Variants in CCZ1 observed in about 807,000 individuals in gnomAD.
CCZ1 encodes the protein CCZ1 vacuolar protein trafficking and biogenesis associated.
CCZ1 carries 19 observed loss-of-function variants against 57.8 expected under a neutral mutation model. The observed-to-expected ratio is 0.33, with a 90% CI of 0.23 to 0.48. CCZ1 has a LOEUF of 0.48. Ranked by LOEUF, CCZ1 falls within the 20% of genes least tolerant of loss-of-function variation. CCZ1 has a pLI of 0.99. For missense variants in CCZ1, 200 were observed against 492.0 expected (o/e 0.41, Z 5.61); for synonymous variants, 81 against 167.0 (o/e 0.49, Z 3.97).
chr7:5,902,785 C>A (rs1182012209), intron 6 of CCZ1, 41 bp downstream of exon 6: 11 of 1,578,676 alleles, frequency 7.0e-6, no homozygotes, highest in Non-Finnish European at 9.4e-6. Flanking sequence ...AGTAAGCATT[C>A]AGCAGGTTTT....
Position 5,904,088 on chromosome 7 carries a change from A to ATTTTTTTTT in CCZ1, c.523-993_523-985dup, listed in dbSNP as rs746657675. Reference sequence around the variant, plus strand: ...TGAAGAGCATTAAGGCAGGGAGTTAATTTTTTTTTTTTTTTTTTTTTGAGA... The same window carrying ATTTTTTTTT: ...TGAAGAGCATTAAGGCAGGGAGTTAATTTTTTTTTTTTTTTTTTTTTTTTTTTTTTGAGA... On this transcript the variant is annotated intron_variant, in intron 6 of 14. Transcript: ENST00000325974. 5.9e-5 allele frequency among the ~76,000 whole-genome samples: 5 copies of ATTTTTTTTT among 84,496 alleles called. 1 individual carries two copies. Among genetic ancestry groups the ATTTTTTTTT allele is most frequent in the African/African-American group, 2.1e-4 (4 of 19,212 alleles). 55.4% of individuals were successfully genotyped at this position (84,496 alleles called of 152,430 possible). A position where few individuals can be genotyped will look rare whatever the true frequency, so the allele number is the denominator to read the frequency against.
At chr7:5,912,051 C>T (rs1779050755) in intron 9 of CCZ1, 129 bp downstream of exon 9, 3 of 1,572,902 alleles carry the variant, frequency 1.9e-6, no homozygotes, top group African/African-American at 1.4e-5. Flanking sequence ...CCTCCCCGGG[C>T]TCAAGTGACT....
intron 8 of CCZ1, 143 bp from the exon 9 acceptor site, chr7:5,911,718 G>A: frequency 7.5e-7 from 1 of 1,329,950 alleles, no homozygotes; most frequent in Non-Finnish European, 1.0e-6. Flanking sequence ...ACGCATTCCA[G>A]CCTGGGCAAC....
chr7:5,898,856 G>T lies in CCZ1; in HGVS notation c.57G>T (p.Gln19His), dbSNP rs1265315060. The T allele has an allele frequency of 2.1e-6, 1 of 470,780 alleles. No individual in the cohort carries two copies. The highest frequency in any genetic ancestry group is 3.5e-6 in the Non-Finnish European group (1 of 286,710). The allele number at this position is 470,780 out of a possible 1,614,324, so 29.2% of individuals were successfully genotyped here. Residue 19 changes from glutamine to histidine, a missense_variant, in exon 1 of 15, where the codon CAG becomes CAT. Physicochemically the swap from Gln to His is conservative, Grantham distance 24. Around this residue, in one of 5 missense-constraint regions of CCZ1, gnomAD observed 44 missense variants for 122.8 expected, o/e 0.36. Coordinates refer to ENST00000325974, the MANE Select transcript of CCZ1 (RefSeq NM_015622.6). ...GGCCCTGGGCGGCCCAGGAGAAGCA[G>T]TTCCCGCCGGCGCTGCTGAGTTTCT... ...GSGPWAAQEK[Q>H]FPPALLSFFI... is the part of the protein sequence containing the mutation.
chr7:5,918,437 TCA>T (rs1270222305), intron 10 of CCZ1: 1 of 230,128 alleles, frequency 4.3e-6, no homozygotes, highest in East Asian at 1.1e-4. Flanking sequence ...ATGGAAATCG[TCA>T]CAGAATAATG....
At chr7:5,920,633 G>A (rs1321906670) in intron 12 of CCZ1, among the ~76,000 whole-genome samples, 4 of 139,566 alleles carry the variant, frequency 2.9e-5, no homozygotes, top group Admixed American at 7.2e-5. Context: ...CACCATGCCC[G>A]GCTCCTTTTT....
At chr7:5,924,166 A>C (rs11491602) in intron 14 of CCZ1, among the ~76,000 whole-genome samples, 24,282 of 55,448 alleles carry the variant, frequency 0.44, 5,544 homozygotes, top group East Asian at 0.62. Flanking sequence ...TGGCAATGGC[A>C]GAAAGAAAAT....
chr7:5,905,371 G>A (rs557964727), intron 7 of CCZ1, 102 bp downstream of exon 7: 15,200 of 649,340 alleles, frequency 0.023, 758 homozygotes, highest in Middle Eastern at 0.061. Flanking sequence ...CTTGCAGCGG[G>A]GAGGATGGGT....
rs1779050201 is a variant in CCZ1 at position 5,912,020 on chromosome 7, C to T, written c.842+98C>T. On this transcript the variant is annotated intron_variant, in intron 9 of 14. Transcript: ENST00000325974. ...CCAGGCTGGAGAGCAGTGGCAAGAT[C>T]TCCGCTCACTGCAACCTCCGCCTCC... 3.2e-6 allele frequency: 5 copies of T among 1,576,992 alleles called. No homozygotes were observed. The African/African-American group carries it at 4.2e-5, about 13-fold the overall frequency.
intron 10 of CCZ1, among the ~76,000 whole-genome samples, chr7:5,914,832 C>G (rs10270655): frequency 1.4e-5 from 2 of 139,320 alleles, no homozygotes; most frequent in Admixed American, 1.4e-4. Flanking sequence ...GCTGAGCTTA[C>G]GCCACTGTGC....
At position 5,905,282 on chromosome 7, in the gene CCZ1, C is replaced by T. The variant is rs150061010; in HGVS notation, c.698+13C>T. 0.16 allele frequency: 225,838 copies of T among 1,395,366 alleles called. 21,154 individuals are homozygous for T. Among genetic ancestry groups the T allele is most frequent in the Admixed American group, 0.36 (16,683 of 45,850 alleles). The allele number at this position is 1,395,366 out of a possible 1,614,324, so 86.4% of individuals were successfully genotyped here. Reference sequence around the variant, plus strand: ...ATCAGCTCATCTGGTAGGTACACCCCGAGGCATGGTATTAAAAGAAGAAAT... The same window carrying T: ...ATCAGCTCATCTGGTAGGTACACCCTGAGGCATGGTATTAAAAGAAGAAAT... On this transcript the variant is annotated intron_variant, in intron 7 of 14. Transcript: ENST00000325974.
chr7:5,920,247 G>A (rs1215737561), intron 12 of CCZ1, among the ~76,000 whole-genome samples: 73 of 119,572 alleles, frequency 6.1e-4, no homozygotes, highest in Middle Eastern at 4.0e-3. Context: ...AGATTGTTAC[G>A]TTCACTTGGA....
intron 7 of CCZ1, among the ~76,000 whole-genome samples, chr7:5,905,499 A>T (rs1781789457): frequency 6.8e-6 from 1 of 146,306 alleles, no homozygotes; most frequent in Non-Finnish European, 1.5e-5. Flanking sequence ...ATGAAAGATG[A>T]AAGGCTGGGC....
intron 7 of CCZ1, among the ~76,000 whole-genome samples, chr7:5,908,673 C>T: frequency 6.8e-6 from 1 of 147,010 alleles, no homozygotes; most frequent in Non-Finnish European, 1.5e-5. Context: ...AGCTTCCGCG[C>T]CCGACCACCT....
At chr7:5,909,268 A>G (rs1781910747) in intron 7 of CCZ1, among the ~76,000 whole-genome samples, 1 of 149,776 alleles carries the variant, frequency 6.7e-6, no homozygotes, top group South Asian at 2.2e-4. Flanking sequence ...TGTTAAAGAG[A>G]AAAGCACCAG....
At chr7:5,905,902 C>CTTTTTTTTTT (rs148585423) in intron 7 of CCZ1, among the ~76,000 whole-genome samples, 1 of 93,018 alleles carries the variant, frequency 1.1e-5, no homozygotes, top group Non-Finnish European at 1.9e-5. Flanking sequence ...ATTTTTATAC[C>CTTTTTTTTTT]TTTTTTTTTT....
At chr7:5,912,699 C>T (rs894560212) in intron 9 of CCZ1, 144 bp from the exon 10 acceptor site, 3 of 928,304 alleles carry the variant, frequency 3.2e-6, no homozygotes, top group African/African-American at 1.6e-5. Context: ...CACGCCCAGC[C>T]AGCATATTCT....
intron 5 of CCZ1, chr7:5,902,010 G>A (rs1781695876): frequency 3.0e-6 from 1 of 336,244 alleles, no homozygotes; most frequent in African/African-American, 2.1e-5. Context: ...AAGTTTCAGT[G>A]AGGCAGGGCA....
At chr7:5,912,372 A>C (rs1779057181) in intron 9 of CCZ1, among the ~76,000 whole-genome samples, 1 of 118,156 alleles carries the variant, frequency 8.5e-6, no homozygotes, top group Admixed American at 9.7e-5. Context: ...TTACTTCAGC[A>C]TACCCTTTTT....
Sources: gnomAD v4.1 joint callset for allele counts (sites outside exome capture counted in the v4.1 genomes callset) on GRCh38, gnomAD v4.1.1 for gene constraint, gnomAD v4.1.1 regional missense constraint, MANE v1.5 for transcripts, NCBI Gene and HGNC (gene_info 2026-07-23, HGNC 2026-07-21) for gene names.